The following LYPLA1 variants were observed in gnomAD, a reference collection of about 807,000 sequenced individuals.
LYPLA1 encodes lysophospholipase 1, also known as acyl-protein thioesterase 1.
LYPLA1 carries 17 observed loss-of-function variants against 34.0 expected under a neutral mutation model. The observed-to-expected ratio is 0.50, with a 90% CI of 0.34 to 0.75. LYPLA1 has a LOEUF of 0.75. Among genes scored for constraint, LYPLA1 ranks in the 30% least tolerant of loss-of-function variants. The pLI is 0.01. For synonymous variants in LYPLA1, 98 were observed against 100.8 expected, an observed-to-expected ratio of 0.97 and a Z score of 0.17; for missense variants, 203 against 288.8, an observed-to-expected ratio of 0.70 and a Z score of 2.15.
intron 2 of LYPLA1, among the ~76,000 whole-genome samples, chr8:54,087,396 G>A (rs1474138816): frequency 6.6e-6 from 1 of 152,216 alleles, no homozygotes. Flanking sequence ...TACCCGGGAA[G>A]CCGAGGCAGA....
intron 2 of LYPLA1, among the ~76,000 whole-genome samples, chr8:54,072,934 CA>C (rs59257354): frequency 0.45 from 41,194 of 91,658 alleles, 8,621 homozygotes; most frequent in East Asian, 0.74. Context: ...AAGACTGAAT[CA>C]AAAAAAAAAA....
chr8:54,101,584 G>A (rs1277919116), intron 1 of LYPLA1, 171 bp downstream of exon 1: 12 of 1,150,346 alleles, frequency 1.0e-5, no homozygotes, highest in Non-Finnish European at 1.2e-5. Context: ...CCCCCCGGCT[G>A]CCCCCGCCCC....
chr8:54,067,084 C>T (rs549878526), intron 2 of LYPLA1, among the ~76,000 whole-genome samples: 12 of 151,596 alleles, frequency 7.9e-5, no homozygotes, highest in African/African-American at 2.7e-4. Flanking sequence ...GCAGGAGAAT[C>T]GCTTGAACCA....
intron 2 of LYPLA1, among the ~76,000 whole-genome samples, chr8:54,095,163 G>GT (rs1281458901): frequency 1.3e-5 from 2 of 151,950 alleles, no homozygotes. Flanking sequence ...TGTCCAGCTA[G>GT]TTTTTTAATT....
chr8:54,084,133 A>AAAAAAAAAATAT (rs1373090573), intron 2 of LYPLA1, among the ~76,000 whole-genome samples: 1 of 120,482 alleles, frequency 8.3e-6, no homozygotes, highest in Admixed American at 7.7e-5. Context: ...AGAAAAAAAA[A>AAAAAAAAAATAT]ATAAATAAAT....
At chr8:54,070,227 A>C (rs1807362195) in intron 2 of LYPLA1, among the ~76,000 whole-genome samples, 1 of 152,208 alleles carries the variant, frequency 6.6e-6, no homozygotes, top group South Asian at 2.1e-4. Flanking sequence ...AGGCAGGAGA[A>C]TTGCTGGAAC....
At chr8:54,077,371 C>A (rs1393853928) in intron 2 of LYPLA1, among the ~76,000 whole-genome samples, 2 of 152,024 alleles carry the variant, frequency 1.3e-5, no homozygotes, top group African/African-American at 4.8e-5. Flanking sequence ...GGGAAAGGAT[C>A]AGAAAAAAGA....
intron 2 of LYPLA1, among the ~76,000 whole-genome samples, chr8:54,070,674 G>T (rs1045517601): frequency 1.3e-5 from 2 of 152,144 alleles, no homozygotes; most frequent in African/African-American, 4.8e-5. Flanking sequence ...AGTGAGCTGA[G>T]ATCACACCAC....
At chr8:54,048,242 T>G in intron 8 of LYPLA1, 124 bp from the exon 9 acceptor site, 3 of 626,652 alleles carry the variant, frequency 4.8e-6, no homozygotes, top group Admixed American at 2.7e-5. Flanking sequence ...TTACTACAAT[T>G]AAATAAGACA....
intron 2 of LYPLA1, among the ~76,000 whole-genome samples, chr8:54,094,296 C>G (rs940218608): frequency 6.6e-6 from 1 of 152,148 alleles, no homozygotes; most frequent in Non-Finnish European, 1.5e-5. Flanking sequence ...TCCTCCTCCT[C>G]GTTTCCCCTT....
intron 8 of LYPLA1, among the ~76,000 whole-genome samples, 172 bp downstream of exon 8, chr8:54,050,840 G>A (rs1219643060): frequency 1.3e-5 from 2 of 152,120 alleles, no homozygotes; most frequent in Non-Finnish European, 2.9e-5. Context: ...TAGCCAATCA[G>A]TAAATATTTG....
intron 2 of LYPLA1, among the ~76,000 whole-genome samples, chr8:54,075,036 A>C (rs1445438195): frequency 6.6e-6 from 1 of 152,250 alleles, no homozygotes; most frequent in Non-Finnish European, 1.5e-5. Context: ...ATCCCATACA[A>C]TTCTCAAGGA....
chr8:54,092,711 G>A (rs1809391481), intron 2 of LYPLA1, among the ~76,000 whole-genome samples: 1 of 152,180 alleles, frequency 6.6e-6, no homozygotes, highest in Non-Finnish European at 1.5e-5. Flanking sequence ...GCTGGGTGTA[G>A]TGGCTCACAC....
chr8:54,070,533 G>C (rs1255042504), intron 2 of LYPLA1, among the ~76,000 whole-genome samples: 5 of 152,130 alleles, frequency 3.3e-5, no homozygotes, highest in Admixed American at 1.3e-4. Flanking sequence ...AGACCAGCCT[G>C]GTCAACATGG....
intron 2 of LYPLA1, among the ~76,000 whole-genome samples, chr8:54,075,568 G>C (rs959733039): frequency 2.0e-5 from 3 of 152,102 alleles, no homozygotes; most frequent in African/African-American, 7.2e-5. Context: ...GAGGAAAGCG[G>C]GACAACCAGT....
intron 2 of LYPLA1, among the ~76,000 whole-genome samples, chr8:54,097,285 T>C (rs1422214514): frequency 1.3e-5 from 2 of 152,226 alleles, no homozygotes; most frequent in African/African-American, 4.8e-5. Flanking sequence ...ATTGTTTACA[T>C]GGTATTTATA....
chr8:54,080,774 G>A (rs1431590757), intron 2 of LYPLA1, among the ~76,000 whole-genome samples: 1 of 152,098 alleles, frequency 6.6e-6, no homozygotes, highest in Non-Finnish European at 1.5e-5. Context: ...TTTTAGTAGA[G>A]ACAAGGTTTC....
intron 2 of LYPLA1, among the ~76,000 whole-genome samples, chr8:54,083,712 T>C (rs1247525080): frequency 6.6e-6 from 1 of 152,196 alleles, no homozygotes; most frequent in Non-Finnish European, 1.5e-5. Flanking sequence ...ATACTTTTCA[T>C]GTGTCACTAA....
chr8:54,070,041 G>A (rs543802978), intron 2 of LYPLA1, among the ~76,000 whole-genome samples: 20 of 152,350 alleles, frequency 1.3e-4, no homozygotes, highest in African/African-American at 4.8e-4. Context: ...TACACTGTTG[G>A]TAGAAATGTA....
Sources: gnomAD v4.1 joint callset for allele counts (sites outside exome capture counted in the v4.1 genomes callset) on GRCh38, gnomAD v4.1.1 for gene constraint, MANE v1.5 for transcripts, NCBI Gene and HGNC (gene_info 2026-07-23, HGNC 2026-07-21) for gene names.